MARCHF8: variants seen among roughly 807,000 people sequenced by gnomAD.
The protein encoded by MARCHF8 is E3 ubiquitin-protein ligase MARCHF8.
A neutral mutation model predicts 51.6 loss-of-function variants in MARCHF8; 40 were observed. That is an observed-to-expected ratio of 0.77 (90% confidence interval 0.60 to 1.01). The LOEUF (loss-of-function observed/expected upper bound fraction) is 1.01, where lower values mean the gene tolerates loss of function less well. MARCHF8 is among the 50% of genes least tolerant of loss of function. The pLI is 0.00. For synonymous variants in MARCHF8, 263 were observed against 280.3 expected (o/e 0.94, Z 0.62); for missense variants, 685 against 708.6 (o/e 0.97, Z 0.38).
At chr10:45,568,715 CAAAAAAAAAAAA>C (rs71023130) in intron 1 of MARCHF8, among the ~76,000 whole-genome samples, 7,812 of 76,044 alleles carry the variant, frequency 0.1, 348 homozygotes, top group Middle Eastern at 0.14. Flanking sequence ...GAGACTGTTT[CAAAAAAAAAAAA>C]AAAAAAAAAA....
chr10:45,523,949 G>A (rs1325097776), intron 2 of MARCHF8, among the ~76,000 whole-genome samples: 3 of 152,160 alleles, frequency 2.0e-5, no homozygotes, highest in Admixed American at 1.3e-4. Context: ...CAGTTCTCAA[G>A]TTTTACGTGA....
chr10:45,512,807 G>A (rs1435009385), intron 2 of MARCHF8, among the ~76,000 whole-genome samples: 1 of 152,134 alleles, frequency 6.6e-6, no homozygotes, highest in Non-Finnish European at 1.5e-5. Context: ...GGAAAAGATT[G>A]GGAAATCGGA....
chr10:45,466,839 T>C (rs937020844), intron 3 of MARCHF8, among the ~76,000 whole-genome samples: 2 of 152,140 alleles, frequency 1.3e-5, no homozygotes, highest in African/African-American at 4.8e-5. Context: ...TACTCTGGGG[T>C]AACGATTCCA....
intron 1 of MARCHF8, among the ~76,000 whole-genome samples, chr10:45,547,977 T>G (rs1482272498): frequency 6.6e-6 from 1 of 152,228 alleles, no homozygotes; most frequent in Non-Finnish European, 1.5e-5. Context: ...ACTTGCAAAT[T>G]TGTATCACAA....
At chr10:45,588,411 T>A (rs2044641476) in intron 1 of MARCHF8, among the ~76,000 whole-genome samples, 1 of 152,148 alleles carries the variant, frequency 6.6e-6, no homozygotes, top group South Asian at 2.1e-4. Flanking sequence ...TTTGCTGAAG[T>A]CATAAATAAA....
chr10:45,568,933 T>G (rs1026796247), intron 1 of MARCHF8, among the ~76,000 whole-genome samples: 3 of 149,252 alleles, frequency 2.0e-5, no homozygotes, highest in Non-Finnish European at 4.5e-5. Flanking sequence ...GGTGTGGTAG[T>G]GGGCGCCTGT....
intron 2 of MARCHF8, among the ~76,000 whole-genome samples, chr10:45,524,377 C>T (rs2043757224): frequency 6.6e-6 from 1 of 152,152 alleles, no homozygotes; most frequent in Non-Finnish European, 1.5e-5. Flanking sequence ...ATAGGAAAAA[C>T]ACGCTTGGAA....
intron 2 of MARCHF8, among the ~76,000 whole-genome samples, chr10:45,508,267 A>T (rs1355620397): frequency 6.6e-6 from 1 of 151,666 alleles, no homozygotes; most frequent in Admixed American, 6.6e-5. Context: ...TACTTTTGGG[A>T]CTAAAACTGT....
intron 1 of MARCHF8, among the ~76,000 whole-genome samples, chr10:45,579,866 T>C (rs1331595812): frequency 2.6e-5 from 4 of 151,654 alleles, no homozygotes; most frequent in African/African-American, 9.7e-5. Flanking sequence ...ATACAAAAGT[T>C]AGCCGGACGT....
At chr10:45,592,096 A>C (rs374374020) in intron 1 of MARCHF8, among the ~76,000 whole-genome samples, 5 of 152,234 alleles carry the variant, frequency 3.3e-5, no homozygotes, top group African/African-American at 1.2e-4. Context: ...CTGGCTCTCC[A>C]AACACACCAA....
Position 45,461,306 on chromosome 10 carries a change from C to A in MARCHF8, c.1194G>T (p.Lys398Asn). The change falls in exon 6 of 8, where the codon AAG becomes AAT. Residue 398 changes from lysine to asparagine, a missense_variant. Transcript: ENST00000453424. ...GCTCGCAGCAGCGCGTGTCGGAGCT[C>A]TTGATCCACTGCTGCAGGCAGGCCT... ...VHQACLQQWI[K>N]SSDTRCCELC... 1.2e-6 allele frequency: 2 copies of A among 1,607,020 alleles called. No individual in the cohort carries two copies. Among genetic ancestry groups the A allele is most frequent in the Non-Finnish European group, 1.7e-6 (2 of 1,177,092 alleles).
At chr10:45,586,788 G>A (rs950377845) in intron 1 of MARCHF8, among the ~76,000 whole-genome samples, 7 of 151,000 alleles carry the variant, frequency 4.6e-5, no homozygotes, top group East Asian at 1.9e-4. Context: ...TTTTTTTACC[G>A]ATTTTGCAAT....
rs533185015 is a variant in MARCHF8 at position 45,562,537 on chromosome 10, C to A, written c.-78-29248G>T. ...AACTGTCATCATATGCACAACAAAA[C>A]TATCCTTCAAGAACAAAGATGAAAT... On this transcript the variant is annotated intron_variant, in intron 1 of 6. Transcript: ENST00000319836. 3.3e-5 allele frequency among the ~76,000 whole-genome samples: 5 copies of A among 152,292 alleles called. No individual in the cohort carries two copies. In the South Asian group the frequency reaches 1.0e-3, roughly 32 times the overall value.
intron 3 of MARCHF8, among the ~76,000 whole-genome samples, chr10:45,481,959 T>G (rs1047462357): frequency 2.0e-5 from 3 of 152,118 alleles, no homozygotes; most frequent in Non-Finnish European, 4.4e-5. Flanking sequence ...TCTGATAAAT[T>G]TGGAAAAGTT....
chr10:45,568,996 C>T (rs572690544), intron 1 of MARCHF8, among the ~76,000 whole-genome samples: 168 of 135,578 alleles, frequency 1.2e-3, no homozygotes, highest in African/African-American at 4.4e-3. Flanking sequence ...ACCCGGGAGG[C>T]GGAGCTTGCA....
chr10:45,458,037 G>C lies in MARCHF8; in HGVS notation c.*202C>G. The C allele has an allele frequency of 1.7e-6, 1 of 571,680 alleles. No individual in the cohort carries two copies. The highest frequency in any genetic ancestry group is 3.0e-6 in the Non-Finnish European group (1 of 332,904). The allele number at this position is 571,680 out of a possible 1,614,324, so 35.4% of individuals were successfully genotyped here. On this transcript the variant is annotated 3_prime_UTR_variant, in exon 8 of 8. Coordinates refer to ENST00000453424, the MANE Select transcript of MARCHF8 (RefSeq NM_001282866.2). ...CTTCCACTTTCCCACAGAGCTGCCA[G>C]GCAGAGGCAGGACCCAGGCATGCCT... is the stretch of plus-strand genomic sequence containing the variant.
At chr10:45,511,359 A>C (rs2133195168) in intron 2 of MARCHF8, among the ~76,000 whole-genome samples, 1 of 152,202 alleles carries the variant, frequency 6.6e-6, no homozygotes, top group African/African-American at 2.4e-5. Flanking sequence ...AGGTTGTTAT[A>C]GAAATTATAA....
At chr10:45,524,854 C>T (rs1360676054) in intron 2 of MARCHF8, among the ~76,000 whole-genome samples, 1 of 151,882 alleles carries the variant, frequency 6.6e-6, no homozygotes, top group Non-Finnish European at 1.5e-5. Flanking sequence ...AGTGGGTTAG[C>T]ATCAGGGCTG....
intron 1 of MARCHF8, among the ~76,000 whole-genome samples, chr10:45,592,016 G>A (rs1025556288): frequency 3.9e-5 from 6 of 152,096 alleles, no homozygotes; most frequent in African/African-American, 1.4e-4. Context: ...ATTATCCTCA[G>A]ATTACACGTT....
Sources: allele counts gnomAD v4.1 joint callset (sites outside exome capture counted in the v4.1 genomes callset), GRCh38; gene constraint gnomAD v4.1.1; transcripts MANE v1.5; gene names NCBI Gene and HGNC (gene_info 2026-07-23, HGNC 2026-07-21).